The following MIS18A variants were observed in gnomAD, a reference collection of about 807,000 sequenced individuals.
The protein encoded by MIS18A is MIS18 kinetochore protein A.
A neutral mutation model predicts 25.0 loss-of-function variants in MIS18A; 14 were observed. The observed-to-expected ratio is 0.56, with a 90% CI of 0.37 to 0.88. MIS18A has a LOEUF of 0.88. MIS18A is among the 40% of genes least tolerant of loss of function. MIS18A has a pLI of 0.00. For synonymous variants in MIS18A, 134 were observed against 118.6 expected, an observed-to-expected ratio of 1.13 and a Z score of -0.84; for missense variants, 292 against 290.8, an observed-to-expected ratio of 1.00 and a Z score of -0.03.
At chr21:32,275,844 A>G (rs992748417) in intron 1 of MIS18A, among the ~76,000 whole-genome samples, 1 of 151,972 alleles carries the variant, frequency 6.6e-6, no homozygotes, top group South Asian at 2.1e-4. Context: ...ACTTCACTCC[A>G]GCCCCCAAAC....
chr21:32,175,348 G>T, the MIS18A span, among the ~76,000 whole-genome samples: 6 of 152,082 alleles, frequency 3.9e-5, no homozygotes, highest in Admixed American at 3.9e-4. Flanking sequence ...ATTCTTGTAC[G>T]CTACTGTAGA....
At chr21:32,215,662 C>T in the MIS18A span, among the ~76,000 whole-genome samples, 12 of 152,230 alleles carry the variant, frequency 7.9e-5, no homozygotes, top group South Asian at 2.1e-4. Context: ...CAAAGATAGC[C>T]GCTGCCTTTC....
Position 32,278,815 on chromosome 21 carries a change from G to T in MIS18A, c.200C>A (p.Ala67Glu). ...EDASVADMER[A>E]QLEEEAAAAE... ...AGCCGCCGCCTCCTCCTCCAGCTGC[G>T]CCCTCTCCATGTCGGCCACCGACGC... Residue 67 changes from alanine to glutamate, a missense_variant, in exon 1 of 5, where the codon GCG (alanine) becomes GAG (glutamate). By Grantham distance (107) the Ala-to-Glu change is moderately radical. Transcript: ENST00000290130. The T allele has an allele frequency of 6.3e-7, 1 of 1,597,424 alleles. No homozygotes were observed. Among genetic ancestry groups the T allele is most frequent in the South Asian group, 1.1e-5 (1 of 89,738 alleles).
the MIS18A span, among the ~76,000 whole-genome samples, chr21:32,224,947 C>G: frequency 7.9e-6 from 1 of 127,356 alleles, no homozygotes; most frequent in African/African-American, 3.1e-5. Flanking sequence ...ATCAATGGAA[C>G]AGAACAGAGC....
the MIS18A span, among the ~76,000 whole-genome samples, chr21:32,162,141 C>T: frequency 4.6e-5 from 7 of 152,244 alleles, no homozygotes; most frequent in East Asian, 1.4e-3. Context: ...GGTTTTGAAC[C>T]AACTGTGGCT....
At chr21:32,186,247 C>T in the MIS18A span, among the ~76,000 whole-genome samples, 3 of 152,310 alleles carry the variant, frequency 2.0e-5, no homozygotes, top group African/African-American at 7.2e-5. Flanking sequence ...TTTTCAGAGA[C>T]TCTGTTCTCT....
At chr21:32,265,641 G>T (rs949882571), downstream of MIS18A, among the ~76,000 whole-genome samples, 1 of 152,220 alleles carries the variant, frequency 6.6e-6, no homozygotes, top group Admixed American at 6.5e-5. Flanking sequence ...TGTGTGGCCC[G>T]AGCCTCCCCG....
At chr21:32,262,044 A>T in the MIS18A span, among the ~76,000 whole-genome samples, 1 of 152,228 alleles carries the variant, frequency 6.6e-6, no homozygotes, top group African/African-American at 2.4e-5. Context: ...GTGAGGGAAG[A>T]AGGCAGCCAT....
At chr21:32,240,112 G>T in the MIS18A span, among the ~76,000 whole-genome samples, 1 of 152,244 alleles carries the variant, frequency 6.6e-6, no homozygotes, top group Non-Finnish European at 1.5e-5. Flanking sequence ...ATGTCACAGT[G>T]CTGCGAACGT....
chr21:32,256,966 C>T, the MIS18A span, among the ~76,000 whole-genome samples: 1 of 152,142 alleles, frequency 6.6e-6, no homozygotes, highest in African/African-American at 2.4e-5. Flanking sequence ...TTTCCCCCAC[C>T]CTGGCTCCCT....
At chr21:32,180,700 C>A in the MIS18A span, among the ~76,000 whole-genome samples, 3 of 152,192 alleles carry the variant, frequency 2.0e-5, no homozygotes, top group African/African-American at 7.2e-5. Flanking sequence ...ATGGTGGAAT[C>A]CTGGTCCTCC....
chr21:32,185,869 A>C, the MIS18A span, among the ~76,000 whole-genome samples: 1 of 152,172 alleles, frequency 6.6e-6, no homozygotes, highest in Non-Finnish European at 1.5e-5. Context: ...ATGCACCGCC[A>C]CATCGTATTT....
chr21:32,185,949 C>T, the MIS18A span, among the ~76,000 whole-genome samples: 19 of 152,190 alleles, frequency 1.2e-4, no homozygotes, highest in Non-Finnish European at 2.5e-4. Context: ...TGGTAAGTTA[C>T]ACCTGAGGAC....
At chr21:32,276,803 C>T (rs1045302788) in intron 1 of MIS18A, among the ~76,000 whole-genome samples, 1 of 152,058 alleles carries the variant, frequency 6.6e-6, no homozygotes, top group African/African-American at 2.4e-5. Context: ...TAGTGTGTAT[C>T]TGTAGTCCCA....
the MIS18A span, among the ~76,000 whole-genome samples, chr21:32,263,146 T>C: frequency 6.6e-6 from 1 of 152,226 alleles, no homozygotes; most frequent in Non-Finnish European, 1.5e-5. Flanking sequence ...TCTCTGGGTG[T>C]TCACTGGCAA....
chr21:32,210,319 C>T, the MIS18A span, among the ~76,000 whole-genome samples: 37 of 152,092 alleles, frequency 2.4e-4, no homozygotes, highest in Admixed American at 1.3e-3. Flanking sequence ...ATAGTAGGCA[C>T]CATGGTGTTG....
the MIS18A span, among the ~76,000 whole-genome samples, chr21:32,195,305 TA>T: frequency 1.3e-5 from 2 of 152,220 alleles, no homozygotes; most frequent in Non-Finnish European, 2.9e-5. Context: ...ATTACTGAGC[TA>T]TGTGGCCTAT....
At chr21:32,185,195 C>G in the MIS18A span, among the ~76,000 whole-genome samples, 616 of 152,268 alleles carry the variant, frequency 4.0e-3, 7 homozygotes, top group African/African-American at 0.014. Flanking sequence ...GATCCCACCT[C>G]CCCCACAGCT....
At chr21:32,157,190 G>A in the MIS18A span, among the ~76,000 whole-genome samples, 1 of 148,794 alleles carries the variant, frequency 6.7e-6, no homozygotes, top group Non-Finnish European at 1.5e-5. Context: ...TGAGTAGCTG[G>A]GATTACCAGG....
Sources: gnomAD v4.1 joint callset for allele counts (sites outside exome capture counted in the v4.1 genomes callset) on GRCh38, gnomAD v4.1.1 for gene constraint, MANE v1.5 for transcripts, NCBI Gene and HGNC (gene_info 2026-07-23, HGNC 2026-07-21) for gene names.